Variants in UNC45B observed in about 807,000 individuals in gnomAD.
The protein encoded by UNC45B is unc-45 myosin chaperone B, also known as protein unc-45 homolog B.
Under a neutral mutation model 98.7 loss-of-function variants are expected in UNC45B, and 78 were observed. That is an observed-to-expected ratio of 0.79 (90% CI 0.66 to 0.95). The LOEUF (loss-of-function observed/expected upper bound fraction) is 0.95. UNC45B is among the 40% of genes least tolerant of loss of function. The pLI is 0.00. For missense variants in UNC45B, 1,225 were observed against 1,184.9 expected (o/e 1.03, Z -0.50); for synonymous variants, 462 against 480.4 (o/e 0.96, Z 0.50).
intron 7 of UNC45B, 84 bp from the exon 8 acceptor site, chr17:35,159,291 A>T (rs1365109715): frequency 4.7e-6 from 6 of 1,278,604 alleles, no homozygotes; most frequent in Non-Finnish European, 6.6e-6. Context: ...GTACTTCCAG[A>T]GTCTAGAAGC....
chr17:35,169,401 G>A (rs1257787145), intron 10 of UNC45B, among the ~76,000 whole-genome samples: 9 of 152,128 alleles, frequency 5.9e-5, no homozygotes, highest in East Asian at 1.9e-4. Flanking sequence ...TTATGAAACC[G>A]CCCCCCTAAG....
intron 8 of UNC45B, among the ~76,000 whole-genome samples, chr17:35,162,006 G>T (rs2092105871): frequency 6.6e-6 from 1 of 152,262 alleles, no homozygotes. Context: ...GGGCATGGAA[G>T]TGCCACGCCC....
chr17:35,177,257 A>G, intron 16 of UNC45B, 127 bp downstream of exon 16: 1 of 902,640 alleles, frequency 1.1e-6, no homozygotes, highest in Non-Finnish European at 1.7e-6. Flanking sequence ...AGGGTGATGC[A>G]TGGAGGCACC....
At chr17:35,166,622 G>A (rs2092143400) in intron 9 of UNC45B, among the ~76,000 whole-genome samples, 1 of 152,218 alleles carries the variant, frequency 6.6e-6, no homozygotes, top group African/African-American at 2.4e-5. Context: ...GGCGGGGGCT[G>A]TGTGGGGACC....
intron 10 of UNC45B, among the ~76,000 whole-genome samples, chr17:35,168,954 C>T (rs866745528): frequency 2.0e-5 from 3 of 152,026 alleles, no homozygotes; most frequent in Non-Finnish European, 4.4e-5. Context: ...TGATCCACCC[C>T]CCTGGGCCTC....
chr17:35,180,672 A>G lies in UNC45B; in HGVS notation c.2369A>G (p.Lys790Arg). 1.9e-6 allele frequency: 3 copies of G among 1,612,580 alleles called. No individual in the cohort carries two copies. The highest frequency in any genetic ancestry group is 1.7e-4 in the Middle Eastern group (1 of 5,780). The part of the protein sequence containing the change: ...TECMCNMVLH[K>R]EVQERFLADG... ...TGCATGTGCAACATGGTGCTCCACA[A>G]GGAGGTGAGGCAGGGGCTCAGGATG... Residue 790 changes from lysine (K) to arginine (R), a missense_variant, in exon 18 of 20, where the codon AAG becomes AGG. Lys to Arg is a conservative substitution (Grantham distance 26). Coordinates refer to ENST00000394570, the MANE Select transcript of UNC45B (RefSeq NM_001267052.2).
At chr17:35,152,787 G>A (rs945367319) in intron 4 of UNC45B, 106 bp from the exon 5 acceptor site, 60 of 826,484 alleles carry the variant, frequency 7.3e-5, no homozygotes, top group African/African-American at 6.5e-4. Context: ...ACGTATGTGC[G>A]GGAGCCCAGA....
Position 35,187,463 on chromosome 17 carries a change from G to T in UNC45B, c.*904G>T, listed in dbSNP as rs1234388731. 1 of 152,202 alleles carries T rather than the reference G, an allele frequency of 6.6e-6. No individual in the cohort carries two copies. The highest frequency in any genetic ancestry group is 1.5e-5 in the Non-Finnish European group (1 of 68,040). The allele number at this position is 152,202 out of a possible 1,614,324, so 9.4% of individuals were successfully genotyped here. On this transcript the variant is annotated 3_prime_UTR_variant, in exon 20 of 20. Coordinates refer to ENST00000394570, the MANE Select transcript of UNC45B (RefSeq NM_001267052.2). ...AGTTGTTATAGTTCATTATGGAATA[G>T]AAGAGAGAAGAGCATTCTCAATAAC...
At chr17:35,184,110 C>G (rs940654877) in intron 19 of UNC45B, among the ~76,000 whole-genome samples, 10 of 152,214 alleles carry the variant, frequency 6.6e-5, no homozygotes, top group African/African-American at 2.4e-4. Flanking sequence ...TGTGGGCACT[C>G]ATCTCTCCCC....
At chr17:35,153,324 A>G (rs1047698572) in intron 5 of UNC45B, among the ~76,000 whole-genome samples, 2 of 152,166 alleles carry the variant, frequency 1.3e-5, no homozygotes, top group African/African-American at 4.8e-5. Flanking sequence ...TAAATTTTGC[A>G]CCCAAGGCAA....
intron 3 of UNC45B, 45 bp from the exon 4 acceptor site, chr17:35,150,003 T>C (rs2092004759): frequency 2.6e-6 from 4 of 1,531,424 alleles, no homozygotes; most frequent in African/African-American, 2.8e-5. Flanking sequence ...TGGTGGTCTG[T>C]AGTCTGGCTC....
chr17:35,167,392 G>A (rs1301424195), intron 9 of UNC45B, among the ~76,000 whole-genome samples: 1 of 152,170 alleles, frequency 6.6e-6, no homozygotes, highest in Non-Finnish European at 1.5e-5. Context: ...AGGCCAGGTG[G>A]AAAGATCATC....
At position 35,154,620 on chromosome 17, in the gene UNC45B, A is replaced by G. The variant is rs199559641; in HGVS notation, c.518A>G (p.Glu173Gly). 6.6e-5 allele frequency: 107 copies of G among 1,613,458 alleles called. No homozygotes were observed. The highest frequency in any genetic ancestry group is 8.5e-5 in the Non-Finnish European group (100 of 1,179,876). ...IVLGREEAGA[E>G]KIFQNNGVAL... is the part of the protein sequence containing the mutation. ...CTAGGCCGTGAGGAAGCAGGGGCTG[A>G]GAAGATCTTCCAGAACAATGGAGTA... is the stretch of plus-strand genomic sequence containing the variant. Residue 173 changes from glutamate (E) to glycine (G), a missense_variant, in exon 6 of 20, where the codon GAG becomes GGG. Glu to Gly is a moderately conservative substitution (Grantham distance 98). Coordinates refer to ENST00000394570, the MANE Select transcript of UNC45B (RefSeq NM_001267052.2).
intron 7 of UNC45B, among the ~76,000 whole-genome samples, chr17:35,157,515 T>C (rs1448266643): frequency 2.6e-5 from 4 of 152,158 alleles, no homozygotes; most frequent in African/African-American, 9.7e-5. Flanking sequence ...TTTATAATTA[T>C]TTCCTGGGGT....
intron 19 of UNC45B, among the ~76,000 whole-genome samples, chr17:35,184,526 G>A (rs2092292219): frequency 6.6e-6 from 1 of 152,192 alleles, no homozygotes; most frequent in South Asian, 2.1e-4. Flanking sequence ...GTCCTCACAG[G>A]ACCCTCTGTG....
intron 12 of UNC45B, 65 bp from the exon 13 acceptor site, chr17:35,171,257 G>A: frequency 1.3e-6 from 2 of 1,581,206 alleles, no homozygotes; most frequent in Non-Finnish European, 1.7e-6. Context: ...GGAGCATCCT[G>A]GAAGCAGAGG....
rs570340320 is a variant in UNC45B, at chr17:35,164,896, T to A, written c.1151+730T>A. Among the ~76,000 whole-genome samples the A allele has an allele frequency of 5.1e-3, 776 of 151,700 alleles. 8 individuals carry two copies. Among genetic ancestry groups the A allele is most frequent in the African/African-American group, 0.018 (734 of 41,374 alleles). ...TGCCACCATGCTGGGCTAATTTTTT[T>A]TTTTTTCTGTCACCCGGGCTGGAGT... On this transcript the variant is annotated intron_variant, in intron 9 of 19. Transcript: ENST00000394570.
chr17:35,186,239 C>G, intron 19 of UNC45B, 60 bp from the exon 20 acceptor site: 1 of 1,588,342 alleles, frequency 6.3e-7, no homozygotes. Flanking sequence ...ATTTCCAACA[C>G]ATGAACTCTG....
At chr17:35,157,886 G>A (rs945624433) in intron 7 of UNC45B, among the ~76,000 whole-genome samples, 7 of 151,098 alleles carry the variant, frequency 4.6e-5, no homozygotes, top group Admixed American at 1.3e-4. Context: ...TTTTTTTGTT[G>A]TTTGTTTGCT....
Sources: gnomAD v4.1 joint callset for allele counts (sites outside exome capture counted in the v4.1 genomes callset) on GRCh38, gnomAD v4.1.1 for gene constraint, MANE v1.5 for transcripts, NCBI Gene and HGNC (gene_info 2026-07-23, HGNC 2026-07-21) for gene names.